The following POLE variants were observed in gnomAD, a reference collection of about 807,000 sequenced individuals.
The protein encoded by POLE is DNA polymerase epsilon catalytic subunit A.
POLE carries 188 observed loss-of-function variants against 279.2 expected under a neutral mutation model. The ratio of observed to expected loss-of-function variants is 0.67; its 90% confidence interval spans 0.60 to 0.76. The LOEUF is 0.76. Among genes scored for constraint, POLE ranks in the 30% least tolerant of loss-of-function variants. The pLI is 0.00. For missense variants in POLE, 2,703 were observed against 3,016.7 expected (o/e 0.90, Z 2.44); for synonymous variants, 1,214 against 1,172.5 (o/e 1.04, Z -0.72).
At chr12:132,669,181 T>C (rs149744831) in intron 16 of POLE, among the ~76,000 whole-genome samples, 35 of 152,280 alleles carry the variant, frequency 2.3e-4, no homozygotes, top group African/African-American at 7.9e-4. Context: ...AAAAAATCCT[T>C]AGGCCAGGTG....
At position 132,634,374 on chromosome 12, in the gene POLE, T is replaced by C; in HGVS notation, c.5816A>G (p.Asp1939Gly). The change falls in exon 43 of 49, where the codon GAC (aspartate) becomes GGC (glycine). Residue 1939 changes from aspartate (D) to glycine (G), a missense_variant. This residue lies in a region of POLE where 1,551 missense variants were observed against 1,686.1 expected (regional missense o/e 0.92). Transcript: ENST00000320574. The surrounding 1 kb of genome is among the most constrained non-coding windows in gnomAD (Gnocchi z 4.0). ...CTCTGCTCCCCCTGCTTTCTGGGAG[T>C]CTTGCTGTAACACATGAGACAACGC... is the stretch of plus-strand genomic sequence containing the variant. Reference protein sequence around the residue: ...VSSRIHCGLQDSQKAGGAEDE... With the variant: ...VSSRIHCGLQGSQKAGGAEDE... The C allele has an allele frequency of 6.2e-7, 1 of 1,612,918 alleles. No individual in the cohort carries two copies. The highest frequency in any genetic ancestry group is 1.1e-5 in the South Asian group (1 of 90,946).
Position 132,624,028 on chromosome 12 carries a change from C to T in POLE, c.*669G>A. 1 of 200,638 alleles carries T rather than the reference C, an allele frequency of 5.0e-6. No homozygotes were observed. Among genetic ancestry groups the T allele is most frequent in the Non-Finnish European group, 1.0e-5 (1 of 97,498 alleles). 12.4% of individuals were successfully genotyped at this position (200,638 alleles called of 1,614,324 possible). A position where few individuals can be genotyped will look rare whatever the true frequency, so the allele number is the denominator to read the frequency against. Reference sequence around the variant, plus strand: ...GTGTGGAGGTGAAGGACAAGGGCTGCAGTGAGCCAAAAGTGAGGTGCACAG... The same window carrying T: ...GTGTGGAGGTGAAGGACAAGGGCTGTAGTGAGCCAAAAGTGAGGTGCACAG... On this transcript the variant is annotated 3_prime_UTR_variant, in exon 49 of 49. Transcript: ENST00000320574.
intron 8 of POLE, 134 bp from the exon 9 acceptor site, chr12:132,676,787 C>G: frequency 3.1e-6 from 2 of 641,046 alleles, no homozygotes; most frequent in Non-Finnish European, 2.8e-6. Context: ...GGAGAAGGAC[C>G]CTAAGACTAA....
At chr12:132,669,781 C>T (rs1336892225) in intron 16 of POLE, among the ~76,000 whole-genome samples, 1 of 152,220 alleles carries the variant, frequency 6.6e-6, no homozygotes, top group African/African-American at 2.4e-5. Flanking sequence ...GGACATGCCC[C>T]ACGTGGCTGT....
rs1483477584 is a variant in POLE at position 132,675,031 on chromosome 12, T to C, written c.1226+367A>G. The stretch of plus-strand genomic sequence containing the variant: ...CCCACCCTAGCTCATATGGAATCTG[T>C]GGTTGTCCCGTGAGGCTTGTCCTGT... On this transcript the variant is annotated intron_variant, in intron 12 of 48. Coordinates refer to ENST00000320574, the MANE Select transcript of POLE (RefSeq NM_006231.4). This position sits in a 1 kb window ranked among gnomAD's most constrained non-coding sequence, Gnocchi z 4.3. Among the ~76,000 whole-genome samples, 3 of 152,282 alleles carry C rather than the reference T, an allele frequency of 2.0e-5. No individual in the cohort carries two copies. Among genetic ancestry groups the C allele is most frequent in the Middle Eastern group, 3.4e-3 (1 of 294 alleles).
chr12:132,686,457 G>T (rs2043270143), intron 1 of POLE, among the ~76,000 whole-genome samples: 1 of 152,132 alleles, frequency 6.6e-6, no homozygotes, highest in Admixed American at 6.5e-5. Flanking sequence ...GAGAAGGGCC[G>T]GGCGCGGAGT....
chr12:132,677,785 C>T, intron 6 of POLE, 66 bp from the exon 7 acceptor site: 2 of 1,498,176 alleles, frequency 1.3e-6, no homozygotes, highest in Non-Finnish European at 1.8e-6. Context: ...ACCAGAGTTC[C>T]AACTCAGTAG....
Position 132,661,167 on chromosome 12 carries a change from G to T in POLE, c.2865-3C>A. 1 of 1,378,114 alleles carries T rather than the reference G, an allele frequency of 7.3e-7. No individual in the cohort carries two copies. Among genetic ancestry groups the T allele is most frequent in the Non-Finnish European group, 9.8e-7 (1 of 1,022,740 alleles). The allele number at this position is 1,378,114 out of a possible 1,614,324, so 85.4% of individuals were successfully genotyped here. On this transcript the variant is annotated splice_polypyrimidine_tract_variant and splice_region_variant and intron_variant, in intron 24 of 48. Coordinates refer to ENST00000320574, the MANE Select transcript of POLE (RefSeq NM_006231.4). This position sits in a 1 kb window ranked among gnomAD's most constrained non-coding sequence, Gnocchi z 4.1. ...CGTCTTCATTGAACACAGCATACCT[G>T]AAAAAAAAAAAAAAGGCAAGCACAG...
chr12:132,625,502 G>T, intron 47 of POLE, 143 bp downstream of exon 47: 1 of 1,019,730 alleles, frequency 9.8e-7, no homozygotes, highest in Non-Finnish European at 1.5e-6. Flanking sequence ...ATCAGGCTCA[G>T]GGCATGGACT....
intron 16 of POLE, among the ~76,000 whole-genome samples, chr12:132,670,560 G>A (rs564204169): frequency 5.6e-4 from 85 of 150,526 alleles, no homozygotes; most frequent in Non-Finnish European, 1.1e-3. Flanking sequence ...GAGCGATCTC[G>A]GCTCACTGCA....
In POLE at chr12:132,660,707, G is replaced by C. The variant is rs572998408; in HGVS notation, c.3060+262C>G. ...TGGTCTCAAGTGATCCTCCCAAGTA[G>C]CTGGGACCACAGGCACGCATCACCA... On this transcript the variant is annotated intron_variant, in intron 25 of 48. Transcript: ENST00000320574. The C allele has an allele frequency of 7.1e-4, 219 of 307,264 alleles. 1 individual carries two copies. The highest frequency in any genetic ancestry group is 1.2e-3 in the South Asian group (10 of 8,250). 19.0% of individuals were successfully genotyped at this position (307,264 alleles called of 1,614,324 possible).
chr12:132,673,034 C>G (rs1265793681), intron 14 of POLE, 130 bp downstream of exon 14: 7 of 772,818 alleles, frequency 9.1e-6, no homozygotes, highest in Middle Eastern at 6.8e-4. Flanking sequence ...CCTGACGTCA[C>G]ACACCAGAAT....
chr12:132,649,441 C>G lies in POLE; in HGVS notation c.3870G>C (p.Arg1290Ser), dbSNP rs1206673155. 4 of 1,612,718 alleles carry G rather than the reference C, an allele frequency of 2.5e-6. No individual in the cohort carries two copies. In the African/African-American group the frequency reaches 5.3e-5, roughly 22 times the overall value. The change falls in exon 31 of 49, where the codon AGG becomes AGC. Residue 1290 changes from arginine to serine, a missense_variant. Arg to Ser is a moderately radical substitution (Grantham distance 110). Around this residue, in one of 5 missense-constraint regions of POLE, gnomAD observed 1,551 missense variants for 1,686.1 expected, o/e 0.92. Coordinates refer to ENST00000320574, the MANE Select transcript of POLE (RefSeq NM_006231.4). Reference protein sequence around the residue: ...QLQARQRLARRKRQRLESAEG... With the variant: ...QLQARQRLARSKRQRLESAEG... ...CTGCCGACTCCAGACGCTGCCTCTT[C>G]CTGCGGGCGAGGCGCTGCCGGGCCT...
Position 132,677,721 on chromosome 12 carries a change from TAGGA to T in POLE, c.579-6_579-3del, listed in dbSNP as rs1427720695. Reference sequence around the variant, plus strand: ...ATGACACCGCCCCTCTGCAGAACACTAGGAATTAACAAGAGAGCAACTAACTCAG... The same window carrying T: ...ATGACACCGCCCCTCTGCAGAACACTATTAACAAGAGAGCAACTAACTCAG... On this transcript the variant is annotated splice_region_variant and splice_polypyrimidine_tract_variant and intron_variant, in intron 6 of 48. Coordinates refer to ENST00000320574, the MANE Select transcript of POLE (RefSeq NM_006231.4). The T allele has an allele frequency of 2.5e-6, 4 of 1,613,566 alleles. No homozygotes were observed. The highest frequency in any genetic ancestry group is 3.4e-6 in the Non-Finnish European group (4 of 1,179,786).
rs537339893 is a variant in POLE at position 132,667,074 on chromosome 12, G to A, written c.2319+429C>T. 3.9e-5 allele frequency among the ~76,000 whole-genome samples: 6 copies of A among 152,238 alleles called. 1 individual carries two copies. Among genetic ancestry groups the A allele is most frequent in the South Asian group, 4.2e-4 (2 of 4,818 alleles). ...GCTATGCATTTTCCATGTTCCTACC[G>A]GATGAAATACGTCAGTTAAACACGA... On this transcript the variant is annotated intron_variant, in intron 20 of 48. Transcript: ENST00000320574.
chr12:132,673,123 G>A (rs2135995236), intron 14 of POLE, 41 bp downstream of exon 14: 2 of 1,287,690 alleles, frequency 1.6e-6, no homozygotes, highest in South Asian at 1.2e-5. Context: ...TGGGGCAAGG[G>A]CTGAGGAGGC....
rs376923206 is a variant in POLE, at chr12:132,677,626, G to T, written c.672C>A (p.Tyr224Ter). Residue 224 changes from tyrosine to a stop codon, truncating the protein, a stop_gained, in exon 7 of 49, where the codon TAC (tyrosine) becomes TAA (stop). Coordinates refer to ENST00000320574, the MANE Select transcript of POLE (RefSeq NM_006231.4). LOFTEE classifies it high-confidence loss of function. ...AGAGGCGGATGTGGTAGGGAACATC[G>T]TACTCGCGCATGTCCACAATGTTGT... ...QLDNIVDMREYDVPYHIRLSI... is the reference protein window; with the variant it reads ...QLDNIVDMRE The T allele has an allele frequency of 6.2e-7, 1 of 1,614,152 alleles. No individual in the cohort carries two copies. The highest frequency in any genetic ancestry group is 8.5e-7 in the Non-Finnish European group (1 of 1,180,008).
intron 39 of POLE, chr12:132,640,954 A>T (rs1200869520): frequency 2.0e-5 from 9 of 456,296 alleles, no homozygotes; most frequent in Non-Finnish European, 4.0e-5. Flanking sequence ...TTTTGTATGG[A>T]GTCATTAAAA....
chr12:132,668,308 G>T lies in POLE; in HGVS notation c.2173+48C>A, dbSNP rs375204111. 1,514 of 1,506,792 alleles carry T rather than the reference G, an allele frequency of 1.0e-3. 1 individual carries two copies. The highest frequency in any genetic ancestry group is 1.3e-3 in the Non-Finnish European group (1,452 of 1,128,304). The allele number at this position is 1,506,792 out of a possible 1,614,324, so 93.3% of individuals were successfully genotyped here. ...CGCAGCCCAGTAAGAACAGAAAGTG[G>T]GAGCAGGAGCCACATCTTTACAGCC... is the stretch of plus-strand genomic sequence containing the variant. On this transcript the variant is annotated intron_variant, in intron 19 of 48. Transcript: ENST00000320574. This position sits in a 1 kb window ranked among gnomAD's most constrained non-coding sequence, Gnocchi z 4.0.
Sources: allele counts gnomAD v4.1 joint callset (sites outside exome capture counted in the v4.1 genomes callset), GRCh38; gene constraint gnomAD v4.1.1; regional missense constraint gnomAD v4.1.1; non-coding constraint Gnocchi (gnomAD v3.1); transcripts MANE v1.5; gene names NCBI Gene and HGNC (gene_info 2026-07-23, HGNC 2026-07-21).